The following GALNTL6 variants were observed in gnomAD, a reference collection of about 807,000 sequenced individuals.
The protein encoded by GALNTL6 is polypeptide N-acetylgalactosaminyltransferase-like 6.
A neutral mutation model predicts 73.7 loss-of-function variants in GALNTL6; 46 were observed. That is an observed-to-expected ratio of 0.62 (90% confidence interval 0.49 to 0.80). The LOEUF (loss-of-function observed/expected upper bound fraction) is 0.80, where lower values mean the gene tolerates loss of function less well. Among genes scored for constraint, GALNTL6 ranks in the 30% least tolerant of loss-of-function variants. GALNTL6 has a pLI of 0.00. For synonymous variants in GALNTL6, 259 were observed against 263.7 expected (o/e 0.98, Z 0.17); for missense variants, 604 against 755.0 (o/e 0.80, Z 2.34).
chr4:172,407,437 G>A (rs181749640), intron 5 of GALNTL6, among the ~76,000 whole-genome samples: 22 of 152,198 alleles, frequency 1.4e-4, no homozygotes, highest in Admixed American at 3.3e-4. Flanking sequence ...TGGCAACAAT[G>A]CCACAAACTT....
chr4:172,738,109 A>C (rs1324737652), intron 5 of GALNTL6, among the ~76,000 whole-genome samples: 3 of 152,188 alleles, frequency 2.0e-5, no homozygotes, highest in African/African-American at 7.2e-5. Context: ...GATGCTACTC[A>C]TGGGTTAAGG....
intron 2 of GALNTL6, among the ~76,000 whole-genome samples, chr4:172,069,424 AAC>A (rs1326031424): frequency 1.1e-5 from 1 of 95,080 alleles, no homozygotes; most frequent in African/African-American, 4.0e-5. Context: ...TGTTATATAT[AAC>A]ACACATATAA....
chr4:172,399,096 T>C (rs1743949059), intron 5 of GALNTL6, among the ~76,000 whole-genome samples: 1 of 152,144 alleles, frequency 6.6e-6, no homozygotes, highest in Admixed American at 6.6e-5. Context: ...AACATATAGT[T>C]AATCAGCCTA....
At chr4:172,776,915 C>T (rs1009578663) in intron 5 of GALNTL6, among the ~76,000 whole-genome samples, 9 of 152,152 alleles carry the variant, frequency 5.9e-5, no homozygotes, top group South Asian at 2.1e-4. Flanking sequence ...ATTTGTGCTA[C>T]GCATTTCTAC....
intron 7 of GALNTL6, among the ~76,000 whole-genome samples, chr4:172,825,117 TCTTTCTTTCTTTCTTC>T (rs1742187290): frequency 6.8e-6 from 1 of 146,774 alleles, no homozygotes; most frequent in Non-Finnish European, 1.5e-5. Flanking sequence ...TTTCTTTCTT[TCTTTCTTTCTTTCTTC>T]CTTTCTTTCC....
At chr4:172,898,709 T>TA (rs1746466181) in intron 8 of GALNTL6, among the ~76,000 whole-genome samples, 1 of 152,194 alleles carries the variant, frequency 6.6e-6, no homozygotes, top group African/African-American at 2.4e-5. Context: ...AAGCAAATGA[T>TA]AAAACTGATT....
intron 10 of GALNTL6, among the ~76,000 whole-genome samples, chr4:172,952,913 C>T (rs746123154): frequency 6.6e-6 from 1 of 152,164 alleles, no homozygotes; most frequent in Non-Finnish European, 1.5e-5. Context: ...CATACAAGTG[C>T]GTAAATATGG....
Position 171,868,855 on chromosome 4 carries a change from A to AT in GALNTL6, c.138+54142dup, listed in dbSNP as rs747102197. ...GGCCCCCACCTGGCTAAGTTTTTGT[A>AT]TTTTTAGTAGAGACAGGGTTTCACC... On this transcript the variant is annotated intron_variant, in intron 2 of 12. Transcript: ENST00000506823. 1.5e-3 allele frequency among the ~76,000 whole-genome samples: 225 copies of AT among 151,950 alleles called. 1 individual carries two copies. Among genetic ancestry groups the AT allele is most frequent in the Non-Finnish European group, 2.4e-3 (165 of 67,956 alleles).
chr4:172,636,147 C>A (rs2111108482), intron 5 of GALNTL6, among the ~76,000 whole-genome samples: 1 of 152,128 alleles, frequency 6.6e-6, no homozygotes, highest in East Asian at 1.9e-4. Flanking sequence ...ATTGTTTTAA[C>A]CAAAAGTCAG....
At chr4:172,185,052 A>G (rs1735375741) in intron 2 of GALNTL6, among the ~76,000 whole-genome samples, 1 of 152,190 alleles carries the variant, frequency 6.6e-6, no homozygotes, top group Non-Finnish European at 1.5e-5. Context: ...TGTTTTTCCT[A>G]AACCATAGCA....
chr4:172,239,270 G>T (rs148870135), intron 3 of GALNTL6, among the ~76,000 whole-genome samples: 2 of 152,168 alleles, frequency 1.3e-5, no homozygotes, highest in East Asian at 3.9e-4. Flanking sequence ...TTCCATTTCA[G>T]AATCAATTAT....
At chr4:172,942,663 C>T (rs971176338) in intron 9 of GALNTL6, among the ~76,000 whole-genome samples, 1 of 152,168 alleles carries the variant, frequency 6.6e-6, no homozygotes, top group Non-Finnish European at 1.5e-5. Flanking sequence ...TGCACCGCCC[C>T]GGATTTGCTT....
chr4:172,483,234 G>A (rs1384947867), intron 5 of GALNTL6, among the ~76,000 whole-genome samples: 1 of 152,158 alleles, frequency 6.6e-6, no homozygotes, highest in Non-Finnish European at 1.5e-5. Flanking sequence ...AAAAGAGGCA[G>A]AGGTCAGGGG....
At chr4:172,462,094 C>CA (rs1488948134) in intron 5 of GALNTL6, among the ~76,000 whole-genome samples, 10 of 152,174 alleles carry the variant, frequency 6.6e-5, no homozygotes, top group African/African-American at 2.2e-4. Flanking sequence ...TGCTTTCAGG[C>CA]TCAGAGGAGG....
intron 3 of GALNTL6, among the ~76,000 whole-genome samples, chr4:172,246,459 T>A (rs1221212922): frequency 6.6e-6 from 1 of 152,120 alleles, no homozygotes; most frequent in Non-Finnish European, 1.5e-5. Flanking sequence ...AACAAAGACA[T>A]TATTGGATTG....
chr4:172,671,840 G>A (rs1252573474), intron 5 of GALNTL6, among the ~76,000 whole-genome samples: 2 of 151,950 alleles, frequency 1.3e-5, no homozygotes, highest in African/African-American at 2.4e-5. Context: ...TTAACACCTA[G>A]GGGTTTTTGT....
intron 5 of GALNTL6, among the ~76,000 whole-genome samples, chr4:172,707,749 A>G (rs1009083889): frequency 7.9e-5 from 12 of 152,156 alleles, no homozygotes; most frequent in Admixed American, 4.6e-4. Flanking sequence ...ATAGCCAACA[A>G]GCAGAGTAAT....
chr4:172,671,569 A>G (rs1047500267), intron 5 of GALNTL6, among the ~76,000 whole-genome samples: 1 of 152,304 alleles, frequency 6.6e-6, no homozygotes, highest in African/African-American at 2.4e-5. Context: ...GGCTGAGACT[A>G]CGGGGTTTTC....
intron 11 of GALNTL6, among the ~76,000 whole-genome samples, chr4:173,015,798 C>A (rs1356814352): frequency 6.6e-6 from 1 of 152,180 alleles, no homozygotes; most frequent in Non-Finnish European, 1.5e-5. Context: ...AATTAATGAG[C>A]AGCCAAATGT....
Sources: gnomAD v4.1 joint callset for allele counts (sites outside exome capture counted in the v4.1 genomes callset) on GRCh38, gnomAD v4.1.1 for gene constraint, MANE v1.5 for transcripts, NCBI Gene and HGNC (gene_info 2026-07-23, HGNC 2026-07-21) for gene names.